Variants in CPN1 observed in about 807,000 individuals in gnomAD.
The protein encoded by CPN1 is carboxypeptidase N subunit 1.
In CPN1, 37 loss-of-function variants were observed where a neutral mutation model predicts 46.4. That is an observed-to-expected ratio of 0.80 (90% CI 0.61 to 1.05). The LOEUF (loss-of-function observed/expected upper bound fraction) is 1.05. Among genes scored for constraint, CPN1 ranks in the 50% least tolerant of loss-of-function variants. The pLI is 0.00. For missense variants in CPN1, 563 were observed against 602.6 expected (o/e 0.93, Z 0.69); for synonymous variants, 224 against 235.4 (o/e 0.95, Z 0.44).
chr10:100,074,502 G>A (rs1486987969), intron 2 of CPN1, among the ~76,000 whole-genome samples: 2 of 152,060 alleles, frequency 1.3e-5, no homozygotes, highest in Admixed American at 6.6e-5. Context: ...CACAGCCTCC[G>A]CCTCCTGGGT....
rs770218340 is a variant in CPN1 at position 100,065,218 on chromosome 10, G to T, written c.729C>A (p.Thr243=). 8 of 1,614,008 alleles carry T rather than the reference G, an allele frequency of 5.0e-6. No homozygotes were observed. Among genetic ancestry groups the T allele is most frequent in the Non-Finnish European group, 6.8e-6 (8 of 1,179,918 alleles). ...RVRGVRRTAS[T]PTPDDKLFQK... ...GGAAGAGCTTGTCGTCAGGCGTGGG[G>T]GTGCTGGCGGTGCGGCGGACCCCTC... is the stretch of plus-strand genomic sequence containing the variant. The change falls in exon 4 of 9, where the codon ACC becomes ACA. Residue 243 remains threonine, a synonymous_variant. Transcript: ENST00000370418.
intron 5 of CPN1, among the ~76,000 whole-genome samples, chr10:100,057,615 C>T (rs1309065813): frequency 2.0e-5 from 3 of 152,002 alleles, no homozygotes; most frequent in Non-Finnish European, 2.9e-5. Flanking sequence ...GGTACTGTGG[C>T]GGGTAGGCCT....
intron 2 of CPN1, among the ~76,000 whole-genome samples, chr10:100,072,835 A>T (rs1589478708): frequency 6.6e-6 from 1 of 152,360 alleles, no homozygotes; most frequent in East Asian, 1.9e-4. Context: ...ATAGAGTGAT[A>T]GAATAGAGAT....
At chr10:100,078,247 G>C (rs11813533) in intron 1 of CPN1, among the ~76,000 whole-genome samples, 1,965 of 152,240 alleles carry the variant, frequency 0.013, 41 homozygotes, top group African/African-American at 0.046. Flanking sequence ...ACAGAGACAA[G>C]TCTCACTATG....
chr10:100,071,633 A>G (rs2041486050), intron 2 of CPN1, among the ~76,000 whole-genome samples: 1 of 152,206 alleles, frequency 6.6e-6, no homozygotes, highest in Non-Finnish European at 1.5e-5. Flanking sequence ...TGTGGATTCA[A>G]CCAACCTCTG....
At chr10:100,065,565 T>C (rs1226835008) in intron 3 of CPN1, among the ~76,000 whole-genome samples, 195 bp from the exon 4 acceptor site, 2 of 152,178 alleles carry the variant, frequency 1.3e-5, no homozygotes, top group African/African-American at 4.8e-5. Context: ...ATGGCGTGTA[T>C]AGAACTTTTT....
intron 8 of CPN1, among the ~76,000 whole-genome samples, chr10:100,047,377 T>A (rs1048636513): frequency 6.6e-6 from 1 of 152,172 alleles, no homozygotes; most frequent in African/African-American, 2.4e-5. Context: ...CTGTAGGTCA[T>A]AAGACCCTAC....
At chr10:100,071,114 C>T (rs1036166703) in intron 2 of CPN1, among the ~76,000 whole-genome samples, 1 of 152,056 alleles carries the variant, frequency 6.6e-6, no homozygotes, top group African/African-American at 2.4e-5. Flanking sequence ...TGTATCAGTA[C>T]TTCATTTCTT....
Position 100,063,611 on chromosome 10 carries a change from T to C in CPN1, c.871+3A>G. 1 of 1,607,280 alleles carries C rather than the reference T, an allele frequency of 6.2e-7. No individual in the cohort carries two copies. The highest frequency in any genetic ancestry group is 2.2e-5 in the East Asian group (1 of 44,816). On this transcript the variant is annotated splice_donor_region_variant and intron_variant, in intron 5 of 8. Coordinates refer to ENST00000370418, the MANE Select transcript of CPN1 (RefSeq NM_001308.3). The stretch of plus-strand genomic sequence containing the variant: ...CTTGAGCAGTTCCCAGGACTCCCCT[T>C]ACCCTTGCTGAGAGAATACCAGGAA...
intron 7 of CPN1, 67 bp from the exon 8 acceptor site, chr10:100,048,943 T>C: frequency 7.8e-7 from 1 of 1,277,412 alleles, no homozygotes; most frequent in Non-Finnish European, 1.1e-6. Context: ...CTAGGGTTTT[T>C]ATCTGACTAC....
intron 7 of CPN1, among the ~76,000 whole-genome samples, chr10:100,051,141 T>C (rs1196892202): frequency 1.3e-5 from 2 of 152,254 alleles, no homozygotes; most frequent in African/African-American, 4.8e-5. Flanking sequence ...TGACTTTCCA[T>C]CCCTTTAGAC....
chr10:100,054,759 C>T (rs2041375291), intron 6 of CPN1, among the ~76,000 whole-genome samples: 1 of 152,008 alleles, frequency 6.6e-6, no homozygotes, highest in African/African-American at 2.4e-5. Flanking sequence ...GCTCTCTGAT[C>T]CCATCTCCAA....
chr10:100,078,441 A>T (rs1016031970), intron 1 of CPN1, among the ~76,000 whole-genome samples: 8 of 152,174 alleles, frequency 5.3e-5, no homozygotes, highest in African/African-American at 1.9e-4. Context: ...ACTATTGGCA[A>T]TATTAGGTTA....
At chr10:100,062,291 G>A (rs1589475089) in intron 5 of CPN1, among the ~76,000 whole-genome samples, 1 of 152,084 alleles carries the variant, frequency 6.6e-6, no homozygotes, top group Non-Finnish European at 1.5e-5. Flanking sequence ...CATGGGGAAG[G>A]CCCAGGGGAT....
chr10:100,060,151 G>C (rs1309687796), intron 5 of CPN1, among the ~76,000 whole-genome samples: 6 of 152,184 alleles, frequency 3.9e-5, no homozygotes, highest in African/African-American at 1.4e-4. Context: ...GCTGAAAAGA[G>C]TTCTGGAGAT....
intron 7 of CPN1, among the ~76,000 whole-genome samples, chr10:100,053,851 C>T (rs2041369090): frequency 6.6e-6 from 1 of 152,138 alleles, no homozygotes; most frequent in Admixed American, 6.6e-5. Context: ...CCGCCTCCAC[C>T]ATCAATCTTG....
Position 100,081,696 on chromosome 10 carries a change from C to G in CPN1, c.-71G>C. ...CCTTAAACAACCTAGCCTCTTCACC[C>G]GCCAAAATCCAAGGTCCACCTAGCT... On this transcript the variant is annotated 5_prime_UTR_variant, in exon 1 of 9. Coordinates refer to ENST00000370418, the MANE Select transcript of CPN1 (RefSeq NM_001308.3). 1 of 1,331,834 alleles carries G rather than the reference C, an allele frequency of 7.5e-7. No individual in the cohort carries two copies. 82.5% of individuals were successfully genotyped at this position (1,331,834 alleles called of 1,614,324 possible).
chr10:100,049,104 G>A (rs2041335073), intron 7 of CPN1, among the ~76,000 whole-genome samples: 1 of 151,592 alleles, frequency 6.6e-6, no homozygotes, highest in Non-Finnish European at 1.5e-5. Context: ...GATTACAGGT[G>A]CGTGCCACCA....
chr10:100,057,744 T>G (rs1353347854), intron 5 of CPN1, among the ~76,000 whole-genome samples: 1 of 152,172 alleles, frequency 6.6e-6, no homozygotes, highest in Non-Finnish European at 1.5e-5. Context: ...AGTGTGTGTT[T>G]AGTATTTTTA....
Sources: allele counts gnomAD v4.1 joint callset (sites outside exome capture counted in the v4.1 genomes callset), GRCh38; gene constraint gnomAD v4.1.1; transcripts MANE v1.5; gene names NCBI Gene and HGNC (gene_info 2026-07-23, HGNC 2026-07-21).